SOX5: variants seen among roughly 807,000 people sequenced by gnomAD.
The protein encoded by SOX5 is SRY-box transcription factor 5.
In SOX5, 9 loss-of-function variants were observed where a neutral mutation model predicts 92.0. That is an observed-to-expected ratio of 0.10 (90% CI 0.06 to 0.17). The LOEUF (loss-of-function observed/expected upper bound fraction) is 0.17. SOX5 is among the 10% of genes least tolerant of loss of function. The pLI is 1.00. For missense variants in SOX5, 642 were observed against 944.5 expected (o/e 0.68, Z 4.20); for synonymous variants, 344 against 336.3 (o/e 1.02, Z -0.25).
chr12:24,413,970 G>A (rs1280330326), intron 1 of SOX5, among the ~76,000 whole-genome samples: 1 of 152,144 alleles, frequency 6.6e-6, no homozygotes, highest in Non-Finnish European at 1.5e-5. Context: ...TATATTCCCT[G>A]ATTCATTTTA....
At chr12:24,459,932 A>T (rs960887249) in intron 1 of SOX5, among the ~76,000 whole-genome samples, 1 of 152,240 alleles carries the variant, frequency 6.6e-6, no homozygotes, top group African/African-American at 2.4e-5. Context: ...GAGCTGAAGC[A>T]GAGAAAAATT....
intron 1 of SOX5, among the ~76,000 whole-genome samples, chr12:23,914,060 C>A (rs1464240159): frequency 6.6e-6 from 1 of 152,130 alleles, no homozygotes; most frequent in Non-Finnish European, 1.5e-5. Context: ...CAAACAACTT[C>A]TGGAATAATC....
intron 2 of SOX5, among the ~76,000 whole-genome samples, chr12:24,359,406 A>G (rs916177033): frequency 3.9e-5 from 6 of 152,178 alleles, no homozygotes; most frequent in Admixed American, 1.3e-4. Context: ...AATTTTGACT[A>G]ATTTATCTAC....
chr12:24,163,409 T>TCC (rs2139017837), intron 4 of SOX5, among the ~76,000 whole-genome samples: 1 of 152,238 alleles, frequency 6.6e-6, no homozygotes, highest in African/African-American at 2.4e-5. Flanking sequence ...GCCAGACCTA[T>TCC]TTGAAGATAC....
intron 1 of SOX5, among the ~76,000 whole-genome samples, chr12:24,490,550 C>T (rs1946955001): frequency 1.3e-5 from 2 of 151,952 alleles, no homozygotes; most frequent in Admixed American, 6.6e-5. Flanking sequence ...GGCTGAAACC[C>T]AAACAGCAAT....
chr12:23,918,683 T>C (rs948623022), intron 1 of SOX5, among the ~76,000 whole-genome samples: 1 of 151,846 alleles, frequency 6.6e-6, no homozygotes, highest in Non-Finnish European at 1.5e-5. Context: ...CCCAGCACTT[T>C]GGGAGGCCCA....
chr12:23,772,183 A>T (rs2094955375), intron 3 of SOX5, among the ~76,000 whole-genome samples: 2 of 152,272 alleles, frequency 1.3e-5, no homozygotes, highest in East Asian at 3.8e-4. Context: ...CATAAGAGAA[A>T]TGGTAGAAAT....
At chr12:23,653,551 G>C (rs2081952055) in intron 7 of SOX5, among the ~76,000 whole-genome samples, 1 of 151,980 alleles carries the variant, frequency 6.6e-6, no homozygotes, top group African/African-American at 2.4e-5. Context: ...CCATGAACTG[G>C]GTGGCTTATA....
chr12:23,684,864 A>G (rs559545854), intron 6 of SOX5, among the ~76,000 whole-genome samples: 34 of 152,162 alleles, frequency 2.2e-4, no homozygotes, highest in Non-Finnish European at 3.1e-4. Flanking sequence ...GAAAGCATTT[A>G]CCATAAGCAT....
At chr12:24,175,771 G>C (rs763322450) in intron 4 of SOX5, among the ~76,000 whole-genome samples, 5 of 152,256 alleles carry the variant, frequency 3.3e-5, no homozygotes, top group Non-Finnish European at 5.9e-5. Context: ...AGTATGGACT[G>C]TAAGATACAT....
chr12:23,853,543 GTTTT>G (rs67299596), intron 2 of SOX5, among the ~76,000 whole-genome samples: 3 of 129,038 alleles, frequency 2.3e-5, no homozygotes, highest in Non-Finnish European at 3.4e-5. Context: ...TGTCTAACGT[GTTTT>G]TTTTTTTTTT....
intron 4 of SOX5, among the ~76,000 whole-genome samples, chr12:24,121,885 C>CA (rs900951883): frequency 0.047 from 2,211 of 46,928 alleles, 27 homozygotes; most frequent in East Asian, 0.1. Flanking sequence ...GACTCTATCT[C>CA]AAAAAAAAAA....
chr12:24,146,408 G>A (rs1951086444), intron 4 of SOX5, among the ~76,000 whole-genome samples: 1 of 151,912 alleles, frequency 6.6e-6, no homozygotes, highest in African/African-American at 2.4e-5. Flanking sequence ...AAACTCAAAA[G>A]GCAAATTAGA....
At chr12:24,433,593 G>A (rs183526258) in intron 1 of SOX5, among the ~76,000 whole-genome samples, 33 of 152,312 alleles carry the variant, frequency 2.2e-4, no homozygotes, top group Non-Finnish European at 3.7e-4. Flanking sequence ...AAAAATCACA[G>A]CAGTAGGAAC....
intron 1 of SOX5, among the ~76,000 whole-genome samples, chr12:24,440,616 G>GTT (rs1157904341): frequency 2.0e-5 from 3 of 149,206 alleles, no homozygotes; most frequent in Non-Finnish European, 4.5e-5. Flanking sequence ...GTGTGTGTGT[G>GTT]TGTGTGTGTG....
chr12:23,713,608 C>T (rs1476581431), intron 6 of SOX5, among the ~76,000 whole-genome samples: 11 of 150,842 alleles, frequency 7.3e-5, no homozygotes, highest in Admixed American at 7.3e-4. Context: ...TTTCATGTTC[C>T]ACTATTAATA....
intron 10 of SOX5, among the ~76,000 whole-genome samples, chr12:23,564,120 T>C (rs1231436789): frequency 6.6e-6 from 1 of 152,190 alleles, no homozygotes; most frequent in Admixed American, 6.5e-5. Flanking sequence ...GATGGCCAAA[T>C]GATCAGCTTA....
chr12:24,012,030 C>T (rs989785093), intron 4 of SOX5, among the ~76,000 whole-genome samples: 6 of 152,170 alleles, frequency 3.9e-5, no homozygotes, highest in East Asian at 1.9e-4. Context: ...GAGGTCCATG[C>T]GTTCTTTAGC....
At chr12:24,161,642 G>A (rs751674681) in intron 4 of SOX5, among the ~76,000 whole-genome samples, 4 of 152,002 alleles carry the variant, frequency 2.6e-5, no homozygotes, top group Admixed American at 6.6e-5. Flanking sequence ...GTTGCAAAGA[G>A]GAAAAGCAGA....
Sources: allele counts gnomAD v4.1 joint callset (sites outside exome capture counted in the v4.1 genomes callset), GRCh38; gene constraint gnomAD v4.1.1; transcripts MANE v1.5; gene names NCBI Gene and HGNC (gene_info 2026-07-23, HGNC 2026-07-21).